Variants in SLC36A1 observed in about 807,000 individuals in gnomAD.
SLC36A1 encodes solute carrier family 36 member 1, also known as proton-coupled amino acid transporter 1.
In SLC36A1, 30 loss-of-function variants were observed where a neutral mutation model predicts 47.5. The observed-to-expected ratio is 0.63, with a 90% CI of 0.47 to 0.86. The LOEUF is 0.86. Ranked by LOEUF, SLC36A1 falls within the 40% of genes least tolerant of loss-of-function variation. SLC36A1 has a pLI of 0.00. For missense variants in SLC36A1, 517 were observed against 606.0 expected, an observed-to-expected ratio of 0.85 and a Z score of 1.54; for synonymous variants, 255 against 249.7, an observed-to-expected ratio of 1.02 and a Z score of -0.20.
intron 9 of SLC36A1, among the ~76,000 whole-genome samples, chr5:151,479,087 C>G (rs79746884): frequency 6.6e-6 from 1 of 152,106 alleles, no homozygotes; most frequent in African/African-American, 2.4e-5. Flanking sequence ...TGTTTTCAGT[C>G]TTTCCTTCTT....
upstream of SLC36A1, among the ~76,000 whole-genome samples, chr5:151,434,430 T>C (rs1561706461): frequency 1.3e-5 from 2 of 152,104 alleles, no homozygotes; most frequent in African/African-American, 2.4e-5. Context: ...TTGAGTTAAT[T>C]TTAGTTGAAA....
At chr5:151,553,415 G>A in the SLC36A1 span, 1 of 1,607,166 alleles carries the variant, frequency 6.2e-7, no homozygotes, top group South Asian at 1.1e-5. Flanking sequence ...CCAAAACTGA[G>A]GTTTGGGGCC....
At chr5:151,506,134 C>A in the SLC36A1 span, 4 of 1,479,282 alleles carry the variant, frequency 2.7e-6, no homozygotes, top group Non-Finnish European at 3.6e-6. Flanking sequence ...AGCTCATTTT[C>A]TCCCCGGAAG....
rs1156305401 is a variant in SLC36A1 at position 151,474,159 on chromosome 5, C to CAAAAAAAAAAAAAAAAAAAA, written c.822+389_822+408dup. Among the ~76,000 whole-genome samples, 122 of 59,918 alleles carry CAAAAAAAAAAAAAAAAAAAA rather than the reference C, an allele frequency of 2.0e-3. 12 individuals are homozygous for CAAAAAAAAAAAAAAAAAAAA. Among genetic ancestry groups the CAAAAAAAAAAAAAAAAAAAA allele is most frequent in the African/African-American group, 9.4e-3 (113 of 11,960 alleles). 39.3% of individuals were successfully genotyped at this position (59,918 alleles called of 152,430 possible). ...TGGGTGACAGAGCGAGACTCTGTCTCAAAAAAAAAAAAAAAAAAAAGAAAT... is the reference window on the plus strand; with the variant it reads ...TGGGTGACAGAGCGAGACTCTGTCTCAAAAAAAAAAAAAAAAAAAAAAAAAAAAAAAAAAAAAAAAGAAAT... On this transcript the variant is annotated intron_variant, in intron 8 of 10. Coordinates refer to ENST00000243389, the MANE Select transcript of SLC36A1 (RefSeq NM_078483.4).
intron 7 of SLC36A1, among the ~76,000 whole-genome samples, chr5:151,468,311 T>A (rs1221969340): frequency 9.1e-6 from 1 of 110,404 alleles, no homozygotes; most frequent in Non-Finnish European, 1.9e-5. Flanking sequence ...TATATATATT[T>A]ACATATATGT....
chr5:151,441,852 G>A (rs1489034099), intron 1 of SLC36A1, among the ~76,000 whole-genome samples: 1 of 152,048 alleles, frequency 6.6e-6, no homozygotes, highest in Non-Finnish European at 1.5e-5. Context: ...ATATTCACCT[G>A]TGAAATCATC....
At chr5:151,376,109 A>T in the SLC36A1 span, among the ~76,000 whole-genome samples, 2 of 152,166 alleles carry the variant, frequency 1.3e-5, no homozygotes, top group African/African-American at 4.8e-5. Context: ...TTCCCTGTTC[A>T]GTATGGTATT....
the SLC36A1 span, among the ~76,000 whole-genome samples, chr5:151,365,651 A>G: frequency 6.6e-6 from 1 of 152,220 alleles, no homozygotes; most frequent in South Asian, 2.1e-4. Context: ...GACAGGGTTT[A>G]GTGGTTATGA....
At chr5:151,484,916 G>C (rs1350188229) in intron 10 of SLC36A1, among the ~76,000 whole-genome samples, 1 of 152,000 alleles carries the variant, frequency 6.6e-6, no homozygotes, top group Non-Finnish European at 1.5e-5. Context: ...CCTCAGTGCA[G>C]CTTCCACCCC....
intron 7 of SLC36A1, among the ~76,000 whole-genome samples, chr5:151,468,266 A>AAAAAAAAAAAAAAAATATAT (rs55642458): frequency 1.6e-5 from 1 of 63,818 alleles, no homozygotes; most frequent in African/African-American, 8.8e-5. Flanking sequence ...AAAAAAAAAA[A>AAAAAAAAAAAAAAAATATAT]ATATATATAT....
At chr5:151,506,216 C>A in the SLC36A1 span, 5 of 1,078,060 alleles carry the variant, frequency 4.6e-6, no homozygotes, top group South Asian at 2.1e-5. Context: ...GGGCATAGGC[C>A]CATCTGTGCA....
At chr5:151,550,970 G>T in the SLC36A1 span, 6 of 1,018,610 alleles carry the variant, frequency 5.9e-6, no homozygotes, top group East Asian at 1.4e-4. Flanking sequence ...CTAGCACAGT[G>T]CCTGGCACTC....
chr5:151,422,907 A>G, the SLC36A1 span, among the ~76,000 whole-genome samples: 1 of 152,164 alleles, frequency 6.6e-6, no homozygotes, highest in African/African-American at 2.4e-5. Flanking sequence ...GCATCACTGC[A>G]CTCCATTCTG....
At chr5:151,527,306 G>C in the SLC36A1 span, 3 of 1,613,760 alleles carry the variant, frequency 1.9e-6, no homozygotes, top group Admixed American at 5.0e-5. Flanking sequence ...CTTGGATAGC[G>C]ATGTCTGTGT....
the SLC36A1 span, among the ~76,000 whole-genome samples, chr5:151,509,246 T>C: frequency 6.6e-6 from 1 of 152,216 alleles, no homozygotes; most frequent in East Asian, 1.9e-4. Context: ...AGGAGCTGGT[T>C]AAATGTACAG....
At chr5:151,547,029 C>G in the SLC36A1 span, among the ~76,000 whole-genome samples, 1 of 152,210 alleles carries the variant, frequency 6.6e-6, no homozygotes, top group East Asian at 1.9e-4. Flanking sequence ...CATCCATTGC[C>G]TATGTTATGT....
At chr5:151,434,098 A>G (rs1759628803), upstream of SLC36A1, among the ~76,000 whole-genome samples, 1 of 152,230 alleles carries the variant, frequency 6.6e-6, no homozygotes, top group South Asian at 2.1e-4. Context: ...AAGCAAATAC[A>G]AAGTCTTTCA....
At chr5:151,388,883 A>G in the SLC36A1 span, among the ~76,000 whole-genome samples, 3 of 152,134 alleles carry the variant, frequency 2.0e-5, no homozygotes, top group African/African-American at 7.2e-5. Context: ...TTTACCTGCT[A>G]GAAGGTAGGG....
chr5:151,463,171 G>T (rs2127483436), intron 2 of SLC36A1, among the ~76,000 whole-genome samples: 1 of 152,308 alleles, frequency 6.6e-6, no homozygotes, highest in Non-Finnish European at 1.5e-5. Flanking sequence ...CACTGTGCCT[G>T]GCCAGGTCTG....
Sources: allele counts gnomAD v4.1 joint callset (sites outside exome capture counted in the v4.1 genomes callset), GRCh38; gene constraint gnomAD v4.1.1; transcripts MANE v1.5; gene names NCBI Gene and HGNC (gene_info 2026-07-23, HGNC 2026-07-21).